The following ADCY10 variants were observed in gnomAD, a reference collection of about 807,000 sequenced individuals.
ADCY10 encodes the protein adenylate cyclase type 10.
Under a neutral mutation model 183.3 loss-of-function variants are expected in ADCY10, and 156 were observed. The observed-to-expected ratio is 0.85, with a 90% CI of 0.75 to 0.97. ADCY10 has a LOEUF of 0.97. ADCY10 is among the 50% of genes least tolerant of loss of function. The pLI is 0.00. For synonymous variants in ADCY10, 645 were observed against 670.0 expected, an observed-to-expected ratio of 0.96 and a Z score of 0.58; for missense variants, 1,745 against 1,934.3, an observed-to-expected ratio of 0.90 and a Z score of 1.84.
chr1:167,824,443 C>T, intron 28 of ADCY10, 33 bp downstream of exon 28: 1 of 1,579,656 alleles, frequency 6.3e-7, no homozygotes, highest in African/African-American at 1.3e-5. Context: ...GGCCTCCTCC[C>T]CCTAATTTTG....
At chr1:167,810,956 G>A (rs1301054119) in intron 31 of ADCY10, 43 bp from the exon 32 acceptor site, 2 of 1,577,756 alleles carry the variant, frequency 1.3e-6, no homozygotes, top group Non-Finnish European at 1.7e-6. Flanking sequence ...AATTAAACAG[G>A]GGTCCTTGAC....
chr1:167,830,873 A>T (rs554505707), intron 25 of ADCY10, among the ~76,000 whole-genome samples: 1 of 152,300 alleles, frequency 6.6e-6, no homozygotes, highest in South Asian at 2.1e-4. Flanking sequence ...TGGAAAGGCG[A>T]ATCAGAAACT....
chr1:167,905,569 C>A, intron 1 of ADCY10, among the ~76,000 whole-genome samples: 1 of 151,326 alleles, frequency 6.6e-6, no homozygotes. Context: ...TACCCTCTCT[C>A]TACCTTGGTC....
At chr1:167,896,800 G>A in intron 6 of ADCY10, 109 bp from the exon 7 acceptor site, 1 of 776,500 alleles carries the variant, frequency 1.3e-6, no homozygotes. Flanking sequence ...ACAGTGATTG[G>A]CACACTTAAA....
intron 1 of ADCY10, among the ~76,000 whole-genome samples, chr1:167,906,896 A>T (rs930933949): frequency 1.3e-5 from 2 of 152,232 alleles, no homozygotes; most frequent in African/African-American, 4.8e-5. Flanking sequence ...GGGATTTTTA[A>T]AGGCTTTGTT....
intron 31 of ADCY10, among the ~76,000 whole-genome samples, chr1:167,817,743 C>A (rs1156465330): frequency 6.6e-6 from 1 of 152,124 alleles, no homozygotes; most frequent in East Asian, 1.9e-4. Flanking sequence ...AAGTACCATG[C>A]TTCCTTTTAA....
At chr1:167,873,495 CT>C (rs1223206390) in intron 13 of ADCY10, among the ~76,000 whole-genome samples, 1 of 152,144 alleles carries the variant, frequency 6.6e-6, no homozygotes, top group East Asian at 1.9e-4. Flanking sequence ...TATGATAAGA[CT>C]TTTGGGGATG....
In ADCY10 at chr1:167,844,919, G is replaced by GT. The variant is rs541672732; in HGVS notation, c.3007+643dup. Among the ~76,000 whole-genome samples, 1,262 of 152,298 alleles carry GT rather than the reference G, an allele frequency of 8.3e-3. 11 individuals are homozygous for GT. The highest frequency in any genetic ancestry group is 0.012 in the Non-Finnish European group (835 of 68,028). ...CCATGAATGGGGGCTAGAATTGGTGGTGTTGCTCTGTGTCTGACACCCATC... is the reference window on the plus strand; with the variant it reads ...CCATGAATGGGGGCTAGAATTGGTGGTTGTTGCTCTGTGTCTGACACCCATC... On this transcript the variant is annotated intron_variant, in intron 21 of 32. Coordinates refer to ENST00000367851, the MANE Select transcript of ADCY10 (RefSeq NM_018417.6).
intron 15 of ADCY10, 123 bp from the exon 16 acceptor site, chr1:167,860,016 G>A: frequency 3.8e-6 from 3 of 786,422 alleles, no homozygotes; most frequent in African/African-American, 1.7e-5. Context: ...TTAGATAAGT[G>A]GTCCCAACCT....
At position 167,901,684 on chromosome 1, in the gene ADCY10, G is replaced by A; in HGVS notation, c.414C>T (p.Gly138=). ...GLFETQEWEE[G]LDIRVKIGLA... is the part of the protein sequence containing the mutation. ...TACCTATCTTGACTCGGATGTCTAGGCCTTCTTCCCACTCCTGGGTCTCAA... is the reference window on the plus strand; with the variant it reads ...TACCTATCTTGACTCGGATGTCTAGACCTTCTTCCCACTCCTGGGTCTCAA... Residue 138 remains glycine (G), a synonymous_variant, in exon 5 of 33, where the codon GGC becomes GGT. Coordinates refer to ENST00000367851, the MANE Select transcript of ADCY10 (RefSeq NM_018417.6). 1 of 1,614,044 alleles carries A rather than the reference G, an allele frequency of 6.2e-7. No individual in the cohort carries two copies. Among genetic ancestry groups the A allele is most frequent in the Non-Finnish European group, 8.5e-7 (1 of 1,179,998 alleles).
At chr1:167,888,075 A>G (rs765264820) in intron 8 of ADCY10, among the ~76,000 whole-genome samples, 6 of 152,220 alleles carry the variant, frequency 3.9e-5, no homozygotes, top group Non-Finnish European at 8.8e-5. Flanking sequence ...TTTGTCAAAA[A>G]TTAGTTCACT....
intron 19 of ADCY10, among the ~76,000 whole-genome samples, chr1:167,847,332 G>T (rs979042883): frequency 6.6e-6 from 1 of 152,092 alleles, no homozygotes; most frequent in African/African-American, 2.4e-5. Flanking sequence ...GCTTATGGAT[G>T]GCATGAATTG....
intron 12 of ADCY10, among the ~76,000 whole-genome samples, chr1:167,877,831 G>T (rs11585936): frequency 0.15 from 22,393 of 152,160 alleles, 1,948 homozygotes; most frequent in Middle Eastern, 0.24. Flanking sequence ...AATAGACCAG[G>T]ATTAGGTGGG....
At chr1:167,851,249 T>G (rs534776787) in intron 18 of ADCY10, among the ~76,000 whole-genome samples, 1 of 152,202 alleles carries the variant, frequency 6.6e-6, no homozygotes, top group African/African-American at 2.4e-5. Context: ...TGGAGAGTTG[T>G]GATCATAGCT....
At chr1:167,819,387 G>A (rs1199114878) in intron 30 of ADCY10, among the ~76,000 whole-genome samples, 1 of 150,976 alleles carries the variant, frequency 6.6e-6, no homozygotes, top group Non-Finnish European at 1.5e-5. Flanking sequence ...ACAGGCGCCT[G>A]CCATCACGCC....
intron 14 of ADCY10, among the ~76,000 whole-genome samples, chr1:167,865,330 A>G (rs984448063): frequency 1.3e-5 from 2 of 152,248 alleles, no homozygotes; most frequent in African/African-American, 4.8e-5. Flanking sequence ...CTAAAGATAA[A>G]AAGGTATCAT....
At chr1:167,854,570 T>C in intron 17 of ADCY10, 81 bp from the exon 18 acceptor site, 1 of 1,497,376 alleles carries the variant, frequency 6.7e-7, no homozygotes, top group Non-Finnish European at 9.3e-7. Flanking sequence ...TCTCAATCAC[T>C]TGAAAATAAT....
chr1:167,852,716 C>T (rs1391334821), intron 18 of ADCY10, among the ~76,000 whole-genome samples: 1 of 151,032 alleles, frequency 6.6e-6, no homozygotes, highest in Non-Finnish European at 1.5e-5. Flanking sequence ...TCATCACAAT[C>T]ATCCAGAAAG....
intron 31 of ADCY10, among the ~76,000 whole-genome samples, chr1:167,811,535 C>T (rs1241965934): frequency 4.6e-5 from 7 of 152,098 alleles, no homozygotes; most frequent in Non-Finnish European, 8.8e-5. Context: ...TGCAGTGAGC[C>T]GAGATCGTGC....
Sources: gnomAD v4.1 joint callset for allele counts (sites outside exome capture counted in the v4.1 genomes callset) on GRCh38, gnomAD v4.1.1 for gene constraint, MANE v1.5 for transcripts, NCBI Gene and HGNC (gene_info 2026-07-23, HGNC 2026-07-21) for gene names.